TRIM71: variants seen among roughly 807,000 people sequenced by gnomAD.
TRIM71 encodes tripartite motif containing 71, also known as E3 ubiquitin-protein ligase TRIM71.
TRIM71 carries 9 observed loss-of-function variants against 61.2 expected under a neutral mutation model. That is an observed-to-expected ratio of 0.15 (90% CI 0.09 to 0.26). TRIM71 has a LOEUF of 0.26. TRIM71 is among the 10% of genes least tolerant of loss of function. The pLI is 1.00. For synonymous variants in TRIM71, 645 were observed against 553.2 expected (o/e 1.17, Z -2.33); for missense variants, 998 against 1,238.7 (o/e 0.81, Z 2.92).
intron 2 of TRIM71, among the ~76,000 whole-genome samples, chr3:32,874,943 C>T (rs1696839323): frequency 6.6e-6 from 1 of 152,188 alleles, no homozygotes; most frequent in Admixed American, 6.5e-5. Flanking sequence ...GCCTCAGCCT[C>T]CCAAGTAGCT....
intron 1 of TRIM71, among the ~76,000 whole-genome samples, chr3:32,825,695 C>T (rs762829641): frequency 1.3e-5 from 2 of 152,016 alleles, no homozygotes; most frequent in Non-Finnish European, 2.9e-5. Flanking sequence ...TGGAAGCGAG[C>T]AAGAGAAAGA....
At chr3:32,842,557 C>T (rs1453476261) in intron 1 of TRIM71, among the ~76,000 whole-genome samples, 2 of 152,352 alleles carry the variant, frequency 1.3e-5, no homozygotes, top group East Asian at 1.9e-4. Flanking sequence ...CCCATGTATG[C>T]TCTGTCCCTT....
At chr3:32,873,430 CT>C (rs1559548366) in intron 1 of TRIM71, among the ~76,000 whole-genome samples, 1 of 152,162 alleles carries the variant, frequency 6.6e-6, no homozygotes, top group East Asian at 1.9e-4. Context: ...TAATATCAGA[CT>C]AGGTAACACA....
chr3:32,879,341 T>C (rs879648051), intron 2 of TRIM71, among the ~76,000 whole-genome samples: 5 of 152,252 alleles, frequency 3.3e-5, no homozygotes, highest in Non-Finnish European at 7.3e-5. Context: ...AACTTTACTT[T>C]GCAATCACAG....
chr3:32,823,242 T>C (rs757792884), intron 1 of TRIM71, among the ~76,000 whole-genome samples: 7 of 152,226 alleles, frequency 4.6e-5, no homozygotes, highest in Non-Finnish European at 5.9e-5. Flanking sequence ...TTAGCCTTTG[T>C]GGGCTTAAGG....
chr3:32,829,804 C>A (rs1367522792), intron 1 of TRIM71, among the ~76,000 whole-genome samples: 1 of 151,986 alleles, frequency 6.6e-6, no homozygotes, highest in Non-Finnish European at 1.5e-5. Flanking sequence ...TGTCCTGACT[C>A]CTAGTCTAGC....
At chr3:32,869,206 C>A (rs1696771464) in intron 1 of TRIM71, among the ~76,000 whole-genome samples, 1 of 152,160 alleles carries the variant, frequency 6.6e-6, no homozygotes, top group Non-Finnish European at 1.5e-5. Context: ...TAGTGGGAAA[C>A]TCAGAAACCC....
At chr3:32,863,195 CTTTTTTTTTTTT>C (rs11348995) in intron 1 of TRIM71, among the ~76,000 whole-genome samples, 615 of 53,774 alleles carry the variant, frequency 0.011, 8 homozygotes, top group Admixed American at 0.025. Flanking sequence ...TTAATTGAAC[CTTTTTTTTTTTT>C]TTTTTTTTTT....
chr3:32,873,694 G>A (rs1179105102), intron 1 of TRIM71, 124 bp from the exon 2 acceptor site: 2 of 851,830 alleles, frequency 2.3e-6, no homozygotes, highest in Non-Finnish European at 3.5e-6. Flanking sequence ...CTCCCTTTGG[G>A]GTGTGCTTGC....
intron 1 of TRIM71, among the ~76,000 whole-genome samples, chr3:32,873,101 G>A (rs1036211743): frequency 7.3e-5 from 3 of 41,112 alleles, no homozygotes; most frequent in Non-Finnish European, 1.8e-4. Context: ...CCCTCCCAGC[G>A]TGCTGGGCCC....
intron 1 of TRIM71, among the ~76,000 whole-genome samples, chr3:32,847,089 T>C (rs1400846428): frequency 6.6e-6 from 1 of 152,114 alleles, no homozygotes; most frequent in Non-Finnish European, 1.5e-5. Context: ...TGGAGTGCAG[T>C]GGCACCATCT....
At chr3:32,824,830 T>C (rs1433164815) in intron 1 of TRIM71, among the ~76,000 whole-genome samples, 3 of 152,050 alleles carry the variant, frequency 2.0e-5, no homozygotes, top group Non-Finnish European at 2.9e-5. Flanking sequence ...AGTCTCGCTG[T>C]GTCACCCAGG....
At chr3:32,843,930 A>G (rs1341228266) in intron 1 of TRIM71, among the ~76,000 whole-genome samples, 1 of 145,614 alleles carries the variant, frequency 6.9e-6, no homozygotes, top group Admixed American at 6.9e-5. Context: ...ATTTAATGTT[A>G]TGCAAATAAC....
rs201921904 is a variant in TRIM71, at chr3:32,818,890, G to A, written c.810G>A (p.Val270=). 69 of 1,612,628 alleles carry A rather than the reference G, an allele frequency of 4.3e-5. No homozygotes were observed. The African/African-American group carries it at 6.8e-4, about 16-fold the overall frequency. The change falls in exon 1 of 4, where the codon GTG becomes GTA. Residue 270 remains valine, a synonymous_variant. Transcript: ENST00000383763. Reference sequence around the variant, plus strand: ...GCCCGCCCTTCTCCATCCTCTCAGTGTTTCCCGAGCGCCTCGGCTTCTGCC... The same window carrying A: ...GCCCGCCCTTCTCCATCCTCTCAGTATTTCCCGAGCGCCTCGGCTTCTGCC... ...FPGPPFSILS[V]FPERLGFCQH...
At chr3:32,863,912 C>G (rs1340509540) in intron 1 of TRIM71, among the ~76,000 whole-genome samples, 1 of 152,126 alleles carries the variant, frequency 6.6e-6, no homozygotes, top group Non-Finnish European at 1.5e-5. Context: ...AAACTCCTGA[C>G]TAAAAATGGT....
chr3:32,891,643 C>T lies in TRIM71; in HGVS notation c.2439C>T (p.Ser813=), dbSNP rs368416839. The change falls in exon 4 of 4, where the codon TCC becomes TCT. Residue 813 remains serine (S), a synonymous_variant. Coordinates refer to ENST00000383763, the MANE Select transcript of TRIM71 (RefSeq NM_001039111.3). This position sits in a 1 kb window ranked among gnomAD's most constrained non-coding sequence, Gnocchi z 8.2. The part of the protein sequence containing the change: ...DQEGRIIVAD[S]RNHRVQMFES... ...AAGGGCGCATCATTGTGGCGGATTC[C>T]AGGAACCATCGGGTACAGATGTTTG... 7.4e-5 allele frequency: 120 copies of T among 1,613,076 alleles called. No individual in the cohort carries two copies. Among genetic ancestry groups the T allele is most frequent in the African/African-American group, 1.1e-4 (8 of 74,938 alleles).
At chr3:32,889,076 C>T (rs1696993997) in intron 3 of TRIM71, among the ~76,000 whole-genome samples, 1 of 152,188 alleles carries the variant, frequency 6.6e-6, no homozygotes, top group Non-Finnish European at 1.5e-5. Context: ...CTTTTTAACA[C>T]CTATCACTAT....
chr3:32,887,061 G>A (rs1357908891), intron 3 of TRIM71, among the ~76,000 whole-genome samples: 1 of 152,144 alleles, frequency 6.6e-6, no homozygotes, highest in African/African-American at 2.4e-5. Flanking sequence ...GTCCCCATGG[G>A]TCTGCCAGTG....
intron 2 of TRIM71, among the ~76,000 whole-genome samples, chr3:32,878,622 AT>A (rs1350842840): frequency 6.7e-6 from 1 of 148,966 alleles, no homozygotes; most frequent in Non-Finnish European, 1.5e-5. Flanking sequence ...TCTCAAAAAA[AT>A]AAATGAATAA....
Sources: gnomAD v4.1 joint callset for allele counts (sites outside exome capture counted in the v4.1 genomes callset) on GRCh38, gnomAD v4.1.1 for gene constraint, Gnocchi (gnomAD v3.1) non-coding constraint, MANE v1.5 for transcripts, NCBI Gene and HGNC (gene_info 2026-07-23, HGNC 2026-07-21) for gene names.